The following COL5A2 variants were observed in gnomAD, a reference collection of about 807,000 sequenced individuals.
COL5A2 encodes collagen type V alpha 2 chain, also known as collagen alpha-2(V) chain.
Under a neutral mutation model 208.2 loss-of-function variants are expected in COL5A2, and 23 were observed. The observed-to-expected ratio is 0.11, with a 90% CI of 0.08 to 0.16. The LOEUF (loss-of-function observed/expected upper bound fraction) is 0.16, where lower values mean the gene tolerates loss of function less well. Ranked by LOEUF, COL5A2 falls within the 10% of genes least tolerant of loss-of-function variation. The pLI is 1.00. For synonymous variants in COL5A2, 625 were observed against 628.5 expected (o/e 0.99, Z 0.08); for missense variants, 1,590 against 1,956.4 (o/e 0.81, Z 3.53).
chr2:189,033,949 T>C lies in COL5A2; in HGVS notation c.*121A>G, dbSNP rs1461807687. ...CAGGCACTTAAGACCATATATACAA[T>C]GCTGATGCAGGATCAGCCATTACTT... is the stretch of plus-strand genomic sequence containing the variant. On this transcript the variant is annotated 3_prime_UTR_variant, in exon 54 of 54. Transcript: ENST00000374866. The C allele has an allele frequency of 7.8e-7, 1 of 1,284,364 alleles. No individual in the cohort carries two copies. The highest frequency in any genetic ancestry group is 1.1e-6 in the Non-Finnish European group (1 of 889,804). The allele number at this position is 1,284,364 out of a possible 1,614,324, so 79.6% of individuals were successfully genotyped here.
At chr2:189,307,872 T>A in the COL5A2 span, among the ~76,000 whole-genome samples, 1 of 152,202 alleles carries the variant, frequency 6.6e-6, no homozygotes. Context: ...GCCCATGATC[T>A]TTTTTATCCT....
the COL5A2 span, among the ~76,000 whole-genome samples, chr2:189,343,646 G>C: frequency 3.9e-5 from 6 of 152,194 alleles, no homozygotes; most frequent in East Asian, 1.2e-3. Flanking sequence ...ATTAGACAAA[G>C]CTAGTGGTTA....
chr2:189,333,095 T>C, the COL5A2 span, among the ~76,000 whole-genome samples: 8 of 152,036 alleles, frequency 5.3e-5, no homozygotes, highest in African/African-American at 9.7e-5. Flanking sequence ...AATGAGAATA[T>C]TGGGGAAAAA....
chr2:189,256,917 C>T, the COL5A2 span, among the ~76,000 whole-genome samples: 10 of 152,198 alleles, frequency 6.6e-5, no homozygotes, highest in Admixed American at 5.2e-4. Flanking sequence ...CGTAAGCCAC[C>T]GCGCCCAGCC....
intron 1 of COL5A2, among the ~76,000 whole-genome samples, chr2:189,150,703 A>C (rs1559126592): frequency 1.3e-5 from 2 of 152,090 alleles, no homozygotes. Flanking sequence ...AACCTCTACT[A>C]TTTTCAGATC....
the COL5A2 span, among the ~76,000 whole-genome samples, chr2:189,320,150 C>T: frequency 6.6e-6 from 1 of 152,160 alleles, no homozygotes; most frequent in Non-Finnish European, 1.5e-5. Flanking sequence ...ACATCCACAC[C>T]AAAAACCCAT....
chr2:189,223,740 AC>A (rs1410331205), intron 1 of COL5A2, among the ~76,000 whole-genome samples: 1 of 152,176 alleles, frequency 6.6e-6, no homozygotes, highest in Non-Finnish European at 1.5e-5. Flanking sequence ...TATGAAGTAA[AC>A]TTTGGTGCTA....
chr2:189,298,546 C>T, the COL5A2 span, among the ~76,000 whole-genome samples: 2 of 152,160 alleles, frequency 1.3e-5, no homozygotes, highest in Non-Finnish European at 2.9e-5. Context: ...CTTTGCTACA[C>T]CAGATGGTGG....
chr2:189,384,978 T>A, the COL5A2 span, among the ~76,000 whole-genome samples: 4 of 152,228 alleles, frequency 2.6e-5, no homozygotes, highest in African/African-American at 9.6e-5. Flanking sequence ...TTTCTGATAA[T>A]CTTTTTTAAG....
At chr2:189,295,056 G>GCCT in the COL5A2 span, among the ~76,000 whole-genome samples, 5,599 of 152,066 alleles carry the variant, frequency 0.037, 117 homozygotes, top group Admixed American at 0.05. Context: ...CAATCCTCTT[G>GCCT]CCTCCACCTC....
intron 1 of COL5A2, among the ~76,000 whole-genome samples, chr2:189,169,995 G>A (rs1253977775): frequency 1.3e-5 from 2 of 152,178 alleles, no homozygotes; most frequent in African/African-American, 4.8e-5. Flanking sequence ...GGGATTACAG[G>A]CGTGAGCCAC....
chr2:189,358,788 T>A, the COL5A2 span, among the ~76,000 whole-genome samples: 1 of 152,230 alleles, frequency 6.6e-6, no homozygotes, highest in East Asian at 1.9e-4. Context: ...TAAAGATCTT[T>A]CACTTCTTTG....
chr2:189,272,781 C>A, the COL5A2 span, among the ~76,000 whole-genome samples: 1 of 152,082 alleles, frequency 6.6e-6, no homozygotes, highest in South Asian at 2.1e-4. Context: ...CAAAACCAGA[C>A]AATGAAATTC....
chr2:189,112,886 G>C (rs1434017372), intron 1 of COL5A2, among the ~76,000 whole-genome samples: 1 of 152,162 alleles, frequency 6.6e-6, no homozygotes, highest in Non-Finnish European at 1.5e-5. Flanking sequence ...CATTTCCAAA[G>C]ACACAACCTG....
At chr2:189,286,521 A>G in the COL5A2 span, among the ~76,000 whole-genome samples, 3 of 152,088 alleles carry the variant, frequency 2.0e-5, no homozygotes, top group South Asian at 6.2e-4. Flanking sequence ...TTTCCATGGG[A>G]GGTACTCGGA....
intron 40 of COL5A2, 51 bp from the exon 41 acceptor site, chr2:189,052,276 A>G (rs1422020020): frequency 6.4e-7 from 1 of 1,554,584 alleles, no homozygotes; most frequent in African/African-American, 1.4e-5. Context: ...TAAATTAGTT[A>G]CATGTATTTT....
At position 189,107,756 on chromosome 2, in the gene COL5A2, T is replaced by G. The variant is rs114824748; in HGVS notation, c.322+2469A>C. ...TAGAACTTCTTATGTTTAAAAAGAT[T>G]TATATATTAGTTCTATCAATTATAT... On this transcript the variant is annotated intron_variant, in intron 2 of 53. Coordinates refer to ENST00000374866, the MANE Select transcript of COL5A2 (RefSeq NM_000393.5). 7.2e-3 allele frequency among the ~76,000 whole-genome samples: 1,088 copies of G among 151,712 alleles called. 11 individuals carry two copies. The highest frequency in any genetic ancestry group is 0.025 in the African/African-American group (1,021 of 41,518).
In COL5A2 at chr2:189,064,802, A is replaced by G. The variant is rs143412313; in HGVS notation, c.1618-147T>C. 46 of 843,128 alleles carry G rather than the reference A, an allele frequency of 5.5e-5. No individual in the cohort carries two copies. In the East Asian group the frequency reaches 1.2e-3, roughly 22 times the overall value. The allele number at this position is 843,128 out of a possible 1,614,324, so 52.2% of individuals were successfully genotyped here. A position where few individuals can be genotyped will look rare whatever the true frequency, so the allele number is the denominator to read the frequency against. The stretch of plus-strand genomic sequence containing the variant: ...ATAACGTATAAAATTTTGTCACCAC[A>G]TTCCGCCAACTAGCATCCTTCCCCC... On this transcript the variant is annotated intron_variant, in intron 24 of 53. Transcript: ENST00000374866.
chr2:189,311,151 C>T, the COL5A2 span: 71 of 640,846 alleles, frequency 1.1e-4, no homozygotes, highest in East Asian at 1.8e-3. Flanking sequence ...GAAGTGGACC[C>T]CCAGCACTGC....
Sources: allele counts gnomAD v4.1 joint callset (sites outside exome capture counted in the v4.1 genomes callset), GRCh38; gene constraint gnomAD v4.1.1; transcripts MANE v1.5; gene names NCBI Gene and HGNC (gene_info 2026-07-23, HGNC 2026-07-21).